Variants in ENKUR observed in about 807,000 individuals in gnomAD.
ENKUR encodes enkurin.
Under a neutral mutation model 27.6 loss-of-function variants are expected in ENKUR, and 19 were observed. That is an observed-to-expected ratio of 0.69 (90% CI 0.48 to 1.01). The LOEUF (loss-of-function observed/expected upper bound fraction) is 1.01, where lower values mean the gene tolerates loss of function less well. ENKUR is among the 50% of genes least tolerant of loss of function. ENKUR has a pLI of 0.00. For missense variants in ENKUR, 312 were observed against 310.5 expected, an observed-to-expected ratio of 1.00 and a Z score of -0.04; for synonymous variants, 117 against 96.9, an observed-to-expected ratio of 1.21 and a Z score of -1.22.
intron 2 of ENKUR, among the ~76,000 whole-genome samples, chr10:25,059,936 G>C (rs1186672245): frequency 6.6e-6 from 1 of 152,214 alleles, no homozygotes; most frequent in Non-Finnish European, 1.5e-5. Context: ...AATTGGAGTT[G>C]GTTCACCATT....
rs553928023 is a variant in ENKUR, at chr10:24,994,940, C to T, written c.447+706G>A. 3.9e-5 allele frequency among the ~76,000 whole-genome samples: 6 copies of T among 152,028 alleles called. No individual in the cohort carries two copies. In the South Asian group the frequency reaches 8.3e-4, roughly 21 times the overall value. Reference sequence around the variant, plus strand: ...GGGAGGCTGAGTGAGGAGAATCACTCGAGCCGGAAGTTGGAAGTTGCAGTG... The same window carrying T: ...GGGAGGCTGAGTGAGGAGAATCACTTGAGCCGGAAGTTGGAAGTTGCAGTG... On this transcript the variant is annotated intron_variant, in intron 3 of 5. Coordinates refer to ENST00000331161, the MANE Select transcript of ENKUR (RefSeq NM_145010.4).
intron 2 of ENKUR, among the ~76,000 whole-genome samples, chr10:25,031,277 G>T (rs977398597): frequency 2.0e-5 from 3 of 152,176 alleles, no homozygotes; most frequent in Non-Finnish European, 4.4e-5. Flanking sequence ...GTGGCAGAAG[G>T]TATATGGGAT....
intron 4 of ENKUR, among the ~76,000 whole-genome samples, chr10:24,988,380 A>G (rs2132669687): frequency 6.9e-6 from 1 of 144,906 alleles, no homozygotes; most frequent in South Asian, 2.2e-4. Flanking sequence ...ATATATGTAT[A>G]TATGTGTATA....
intron 2 of ENKUR, among the ~76,000 whole-genome samples, chr10:25,049,176 A>G (rs1048564383): frequency 3.3e-5 from 5 of 152,166 alleles, no homozygotes; most frequent in African/African-American, 9.7e-5. Context: ...GGTTAACTGT[A>G]AATTACTTAG....
At position 25,042,380 on chromosome 10, in the gene ENKUR, C is replaced by T. The variant is rs573017641; in HGVS notation, c.37+18732G>A. On this transcript the variant is annotated intron_variant, in intron 2 of 5. Coordinates refer to the ENKUR transcript ENST00000615958. ...CTCAGCATCAGCTCACTGCAACCTCCGCCTCCCGGGTTCAAGCAATTCTCC... is the reference window on the plus strand; with the variant it reads ...CTCAGCATCAGCTCACTGCAACCTCTGCCTCCCGGGTTCAAGCAATTCTCC... 1.3e-4 allele frequency among the ~76,000 whole-genome samples: 20 copies of T among 151,920 alleles called. No homozygotes were observed. The East Asian group carries it at 2.5e-3, about 19-fold the overall frequency.
chr10:25,055,931 T>C (rs749054251), intron 2 of ENKUR, among the ~76,000 whole-genome samples: 11 of 152,246 alleles, frequency 7.2e-5, no homozygotes, highest in Admixed American at 2.0e-4. Context: ...CGTTGTTTTC[T>C]GCTGGCATGG....
chr10:25,039,694 TCTA>T (rs1851040761), intron 2 of ENKUR, among the ~76,000 whole-genome samples: 6 of 152,178 alleles, frequency 3.9e-5, no homozygotes, highest in Admixed American at 2.6e-4. Context: ...ATTTCAGTCA[TCTA>T]CTGCTGCATG....
chr10:25,031,093 A>G (rs763564550), intron 2 of ENKUR, among the ~76,000 whole-genome samples: 9 of 152,190 alleles, frequency 5.9e-5, no homozygotes, highest in Non-Finnish European at 1.0e-4. Context: ...CTCCAGCCTG[A>G]GTGATAGAGT....
intron 1 of ENKUR, among the ~76,000 whole-genome samples, chr10:25,000,307 CTGGAG>C (rs1445350110): frequency 6.6e-6 from 1 of 152,088 alleles, no homozygotes; most frequent in African/African-American, 2.4e-5. Flanking sequence ...CCGCTGTTGG[CTGGAG>C]TGTTCTATAA....
At position 24,984,823 on chromosome 10, in the gene ENKUR, C is replaced by A; in HGVS notation, c.677G>T (p.Arg226Leu). Residue 226 changes from arginine (R) to leucine (L), a missense_variant, in exon 5 of 6, where the codon CGC (arginine) becomes CTC (leucine). Physicochemically the swap from Arg to Leu is moderately radical, Grantham distance 102 (BLOSUM62 -2). Transcript: ENST00000331161. ...VFIDSIPKKI[R>L]KQRLEEEMKQ... ...CATTTCTTCTTCCAGCCTCTGCTTG[C>A]GGATCTTCTTTGGTATAGAATCTAT... 6.2e-7 allele frequency: 1 copy of A among 1,613,578 alleles called. No homozygotes were observed. Among genetic ancestry groups the A allele is most frequent in the Non-Finnish European group, 8.5e-7 (1 of 1,179,710 alleles).
At chr10:24,984,535 C>T (rs565633636) in intron 5 of ENKUR, 159 bp from the exon 6 acceptor site, 169 of 1,134,878 alleles carry the variant, frequency 1.5e-4, no homozygotes, top group South Asian at 8.1e-4. Flanking sequence ...ATGTGGAAAA[C>T]GTGACACTAG....
chr10:25,013,560 A>G (rs1167052982), intron 1 of ENKUR, among the ~76,000 whole-genome samples: 2 of 152,248 alleles, frequency 1.3e-5, no homozygotes, highest in Admixed American at 1.3e-4. Context: ...TAATGGTTTC[A>G]TGGACTGTTC....
At chr10:25,028,363 G>A (rs1437621303) in intron 2 of ENKUR, among the ~76,000 whole-genome samples, 2 of 152,116 alleles carry the variant, frequency 1.3e-5, no homozygotes, top group Non-Finnish European at 2.9e-5. Context: ...TATGTTTGCT[G>A]CATCCATTTC....
intron 2 of ENKUR, among the ~76,000 whole-genome samples, chr10:25,036,236 C>T (rs760758946): frequency 6.6e-5 from 10 of 152,048 alleles, no homozygotes; most frequent in Non-Finnish European, 1.2e-4. Context: ...GCATACTGTT[C>T]TCATGGTAGT....
In ENKUR at chr10:25,023,246, A is replaced by G. The variant is rs200286569; in HGVS notation, c.38-27377T>C. On this transcript the variant is annotated intron_variant, in intron 2 of 5. Transcript: ENST00000615958. ...AGAATGCTCCACTTTAACCGATGTC[A>G]TCATCTGAAAAAGATAACACAGAAA... 1.1e-4 allele frequency: 184 copies of G among 1,612,542 alleles called. No homozygotes were observed. The highest frequency in any genetic ancestry group is 1.5e-4 in the Non-Finnish European group (177 of 1,179,064).
chr10:25,015,071 A>G (rs1042625970), intron 1 of ENKUR, among the ~76,000 whole-genome samples: 6 of 152,190 alleles, frequency 3.9e-5, no homozygotes, highest in Non-Finnish European at 7.4e-5. Context: ...AAAAGACAGG[A>G]AACATTTCAA....
intron 2 of ENKUR, among the ~76,000 whole-genome samples, chr10:25,039,450 C>A (rs1326988514): frequency 6.6e-6 from 1 of 152,070 alleles, no homozygotes; most frequent in East Asian, 1.9e-4. Flanking sequence ...TGTGGTGGTG[C>A]ATGCCTGTAC....
intron 1 of ENKUR, among the ~76,000 whole-genome samples, chr10:25,009,848 C>T (rs1208194047): frequency 6.6e-6 from 1 of 152,170 alleles, no homozygotes; most frequent in Non-Finnish European, 1.5e-5. Flanking sequence ...TTTGTTCCTC[C>T]TTCACCTTCT....
intron 2 of ENKUR, among the ~76,000 whole-genome samples, chr10:25,046,410 T>C (rs1851122797): frequency 1.3e-5 from 2 of 152,130 alleles, no homozygotes; most frequent in South Asian, 4.1e-4. Context: ...AAGCCCTAAT[T>C]CCATAGTTTA....
Sources: allele counts gnomAD v4.1 joint callset (sites outside exome capture counted in the v4.1 genomes callset), GRCh38; gene constraint gnomAD v4.1.1; transcripts MANE v1.5; gene names NCBI Gene and HGNC (gene_info 2026-07-23, HGNC 2026-07-21).